Variants in EPS15 observed in about 807,000 individuals in gnomAD.
The protein encoded by EPS15 is epidermal growth factor receptor pathway substrate 15.
In EPS15, 72 loss-of-function variants were observed where a neutral mutation model predicts 113.8. The ratio of observed to expected loss-of-function variants is 0.63; its 90% CI spans 0.52 to 0.77. The LOEUF (loss-of-function observed/expected upper bound fraction) is 0.77. Ranked by LOEUF, EPS15 falls within the 30% of genes least tolerant of loss-of-function variation. The pLI is 0.00. For synonymous variants in EPS15, 344 were observed against 363.4 expected (o/e 0.95, Z 0.61); for missense variants, 1,048 against 1,045.8 (o/e 1.00, Z -0.03).
intron 8 of EPS15, among the ~76,000 whole-genome samples, chr1:51,457,049 G>C (rs1025209532): frequency 6.6e-6 from 1 of 152,134 alleles, no homozygotes; most frequent in African/African-American, 2.4e-5. Flanking sequence ...ACTTTTGGAG[G>C]CCGAGGCGGG....
chr1:51,435,351 G>A (rs138281916), intron 12 of EPS15, among the ~76,000 whole-genome samples: 4 of 151,992 alleles, frequency 2.6e-5, no homozygotes, highest in Admixed American at 1.3e-4. Flanking sequence ...GCGCCACCAC[G>A]CCTGGCTAAT....
rs1030089705 is a variant in EPS15 at position 51,464,584 on chromosome 1, C to A, written c.375+677G>T. On this transcript the variant is annotated intron_variant, in intron 6 of 24. Transcript: ENST00000371733. ...AAAGGAATAAACATCAAGATTTCTC[C>A]ATTTTTCCCAAAGCAATATTTCTTT... Among the ~76,000 whole-genome samples, 78 of 152,044 alleles carry A rather than the reference C, an allele frequency of 5.1e-4. 5 individuals carry two copies. The highest frequency in any genetic ancestry group is 1.5e-5 in the Non-Finnish European group (1 of 67,994).
Position 51,385,738 on chromosome 1 carries a change from CA to C in EPS15, c.2119+8642del, listed in dbSNP as rs1348935390. Among the ~76,000 whole-genome samples, 3 of 152,132 alleles carry C rather than the reference CA, an allele frequency of 2.0e-5. No individual in the cohort carries two copies. In the East Asian group the frequency reaches 5.8e-4, roughly 29 times the overall value. On this transcript the variant is annotated intron_variant, in intron 21 of 24. Coordinates refer to ENST00000371733, the MANE Select transcript of EPS15 (RefSeq NM_001981.3). ...TCAAGTCTGAAAAAGGTAAAAAATT[CA>C]ATACATTATACCATATGGATGAACC...
chr1:51,508,046 G>A (rs962528278), intron 1 of EPS15, among the ~76,000 whole-genome samples: 9 of 151,878 alleles, frequency 5.9e-5, no homozygotes, highest in African/African-American at 1.9e-4. Flanking sequence ...GCTGGGCATG[G>A]TGGTGTGCAC....
At chr1:51,440,908 T>A (rs1182498895) in intron 11 of EPS15, among the ~76,000 whole-genome samples, 1 of 152,136 alleles carries the variant, frequency 6.6e-6, no homozygotes, top group Non-Finnish European at 1.5e-5. Flanking sequence ...AAGGAATTTT[T>A]ACTTTTGTTA....
chr1:51,419,705 A>T (rs966516482), intron 13 of EPS15, among the ~76,000 whole-genome samples: 11 of 152,256 alleles, frequency 7.2e-5, no homozygotes, highest in South Asian at 4.1e-4. Flanking sequence ...GAAATTAGAA[A>T]GTAAGTATTG....
chr1:51,438,483 A>G (rs778780346), intron 12 of EPS15, among the ~76,000 whole-genome samples: 4 of 152,178 alleles, frequency 2.6e-5, no homozygotes, highest in Admixed American at 6.5e-5. Context: ...TCCCATTAAA[A>G]TTCATTATAG....
intron 23 of EPS15, 74 bp downstream of exon 23, chr1:51,363,792 G>A: frequency 2.2e-6 from 3 of 1,392,678 alleles, no homozygotes; most frequent in African/African-American, 1.4e-5. Flanking sequence ...ATTTATATAA[G>A]TAAGTTCCGC....
rs149233968 is a variant in EPS15, at chr1:51,488,463, A to G, written c.34-7149T>C. 1.7e-3 allele frequency among the ~76,000 whole-genome samples: 239 copies of G among 139,150 alleles called. 1 individual carries two copies. The highest frequency in any genetic ancestry group is 6.0e-3 in the African/African-American group (229 of 38,166). The allele number at this position is 139,150 out of a possible 152,430, so 91.3% of individuals were successfully genotyped here. A position where few individuals can be genotyped will look rare whatever the true frequency, so the allele number is the denominator to read the frequency against. On this transcript the variant is annotated intron_variant, in intron 1 of 24. Coordinates refer to ENST00000371733, the MANE Select transcript of EPS15 (RefSeq NM_001981.3). Reference sequence around the variant, plus strand: ...AAACAAGAGATGCTAGAAAGCCAATAAAGTTTTGTAAAAAAAAAAAAAAAA... The same window carrying G: ...AAACAAGAGATGCTAGAAAGCCAATGAAGTTTTGTAAAAAAAAAAAAAAAA...
intron 12 of EPS15, among the ~76,000 whole-genome samples, chr1:51,428,655 T>G (rs1476837017): frequency 6.6e-6 from 1 of 151,788 alleles, no homozygotes; most frequent in East Asian, 1.9e-4. Context: ...AGTGAAACCC[T>G]GTCTCCACTA....
chr1:51,358,332 T>C (rs114323350), intron 24 of EPS15, among the ~76,000 whole-genome samples: 105 of 152,308 alleles, frequency 6.9e-4, no homozygotes, highest in African/African-American at 2.5e-3. Flanking sequence ...TCTCCAGGCT[T>C]TGGGAACTTT....
intron 21 of EPS15, among the ~76,000 whole-genome samples, chr1:51,366,832 C>T (rs1298337604): frequency 5.3e-5 from 8 of 152,126 alleles, no homozygotes; most frequent in Non-Finnish European, 7.3e-5. Context: ...TCCTTCTCTG[C>T]GGCACTAATG....
intron 15 of EPS15, among the ~76,000 whole-genome samples, chr1:51,407,740 A>T (rs1649267559): frequency 6.6e-6 from 1 of 152,232 alleles, no homozygotes; most frequent in East Asian, 1.9e-4. Context: ...TTATGTACCA[A>T]GCACCATGCT....
intron 21 of EPS15, among the ~76,000 whole-genome samples, chr1:51,391,857 T>C (rs1557793676): frequency 1.3e-5 from 2 of 152,016 alleles, no homozygotes; most frequent in South Asian, 2.1e-4. Context: ...GAAAAGCAGG[T>C]TTAGGAAGGA....
chr1:51,358,022 A>G (rs1427105099), intron 24 of EPS15, among the ~76,000 whole-genome samples: 1 of 152,132 alleles, frequency 6.6e-6, no homozygotes, highest in Admixed American at 6.6e-5. Context: ...TATTTTATAA[A>G]AAGCATTTTG....
chr1:51,355,593 T>A lies in EPS15; in HGVS notation c.*1107A>T, dbSNP rs1402693394. The stretch of plus-strand genomic sequence containing the variant: ...TTGACAATTTTATAGGTGAAAAACA[T>A]GAAGTGAGTAAATAAACTAAACCAC... On this transcript the variant is annotated 3_prime_UTR_variant, in exon 25 of 25. Coordinates refer to ENST00000371733, the MANE Select transcript of EPS15 (RefSeq NM_001981.3). The A allele has an allele frequency of 1.0e-5, 2 of 191,468 alleles. No individual in the cohort carries two copies. The highest frequency in any genetic ancestry group is 2.2e-5 in the Non-Finnish European group (2 of 91,784). 11.9% of individuals were successfully genotyped at this position (191,468 alleles called of 1,614,324 possible).
Position 51,394,447 on chromosome 1 carries a change from C to T in EPS15, c.2053G>A (p.Val685Ile). 1 of 1,596,340 alleles carries T rather than the reference C, an allele frequency of 6.3e-7. No homozygotes were observed. The highest frequency in any genetic ancestry group is 1.1e-5 in the South Asian group (1 of 88,428). ...SAANNSSITS[V>I]ETLKHNDPFA... ...GGATCATTGTGCTTCAACGTTTCTACCTAAACAAAGCATACAAAACCATGA... is the reference window on the plus strand; with the variant it reads ...GGATCATTGTGCTTCAACGTTTCTATCTAAACAAAGCATACAAAACCATGA... Residue 685 changes from valine (V) to isoleucine (I), a missense_variant and splice_region_variant, in exon 21 of 25, where the codon GTA becomes ATA. Physicochemically the swap from Val to Ile is conservative, Grantham distance 29. Transcript: ENST00000371733.
At position 51,468,503 on chromosome 1, in the gene EPS15, A is replaced by G. The variant is rs1239686199; in HGVS notation, c.279T>C (p.Ser93=). 6.2e-7 allele frequency: 1 copy of G among 1,612,974 alleles called. No individual in the cohort carries two copies. The highest frequency in any genetic ancestry group is 8.5e-7 in the Non-Finnish European group (1 of 1,179,044). ...AQNGLEVSLS[S]LNLAVPPPRF... ...TTGGTGGAGGAACAGCCAGGTTCAA[A>G]CTACTTAGTGAAACTTCCAATCCAT... is the stretch of plus-strand genomic sequence containing the variant. Residue 93 remains serine, a synonymous_variant, in exon 5 of 25, where the codon AGT becomes AGC. Coordinates refer to ENST00000371733, the MANE Select transcript of EPS15 (RefSeq NM_001981.3).
intron 13 of EPS15, among the ~76,000 whole-genome samples, chr1:51,412,126 A>C (rs1485143388): frequency 6.6e-6 from 1 of 152,160 alleles, no homozygotes; most frequent in South Asian, 2.1e-4. Context: ...CAAACACCAC[A>C]TGTTCTCACT....
Sources: allele counts gnomAD v4.1 joint callset (sites outside exome capture counted in the v4.1 genomes callset), GRCh38; gene constraint gnomAD v4.1.1; transcripts MANE v1.5; gene names NCBI Gene and HGNC (gene_info 2026-07-23, HGNC 2026-07-21).